The following TNKS variants were observed in gnomAD, a reference collection of about 807,000 sequenced individuals.
TNKS encodes the protein poly [ADP-ribose] polymerase tankyrase-1.
TNKS carries 72 observed loss-of-function variants against 135.8 expected under a neutral mutation model. The ratio of observed to expected loss-of-function variants is 0.53; its 90% CI spans 0.44 to 0.64. The LOEUF (loss-of-function observed/expected upper bound fraction) is 0.64, where lower values mean the gene tolerates loss of function less well. Among genes scored for constraint, TNKS ranks in the 30% least tolerant of loss-of-function variants. The pLI, the probability that TNKS is intolerant of heterozygous loss-of-function variation, is 0.00. For synonymous variants in TNKS, 849 were observed against 649.3 expected (o/e 1.31, Z -4.68); for missense variants, 1,769 against 1,674.0 (o/e 1.06, Z -0.99).
chr8:9,768,960 G>A (rs1215451075), intron 25 of TNKS, among the ~76,000 whole-genome samples: 2 of 152,092 alleles, frequency 1.3e-5, no homozygotes, highest in Non-Finnish European at 2.9e-5. Context: ...ATAACACAAA[G>A]CTTATACTCC....
chr8:9,741,604 C>T, intron 17 of TNKS: 1 of 398,910 alleles, frequency 2.5e-6, no homozygotes, highest in Non-Finnish European at 5.7e-6. Flanking sequence ...ATAGCTGTCA[C>T]AGAGGATAAA....
Position 9,735,381 on chromosome 8 carries a change from C to A in TNKS, c.2538C>A (p.Gly846=). The part of the protein sequence containing the change: ...RNSTPLHLAA[G]YNNLEVAEYL... ...TATTTTTTTTACTCTAAATAGCAGG[C>A]TATAATAACCTGGAAGTAGCTGAAT... is the stretch of plus-strand genomic sequence containing the variant. Residue 846 remains glycine, a synonymous_variant, in exon 17 of 27, where the codon GGC becomes GGA. Transcript: ENST00000310430. 1 of 1,612,786 alleles carries A rather than the reference C, an allele frequency of 6.2e-7. No homozygotes were observed. Among genetic ancestry groups the A allele is most frequent in the Non-Finnish European group, 8.5e-7 (1 of 1,178,986 alleles).
intron 21 of TNKS, 42 bp downstream of exon 21, chr8:9,761,678 G>C (rs757527076): frequency 6.3e-7 from 1 of 1,575,008 alleles, no homozygotes; most frequent in Non-Finnish European, 8.6e-7. Flanking sequence ...GAAATCAGTG[G>C]TACAAGGTAA....
At chr8:9,608,488 A>G (rs1799320120) in intron 2 of TNKS, among the ~76,000 whole-genome samples, 1 of 151,758 alleles carries the variant, frequency 6.6e-6, no homozygotes, top group Non-Finnish European at 1.5e-5. Flanking sequence ...AATTTCTTTC[A>G]GCACTGCTCT....
chr8:9,719,422 C>T (rs1804759513), intron 11 of TNKS, among the ~76,000 whole-genome samples: 1 of 152,172 alleles, frequency 6.6e-6, no homozygotes, highest in Admixed American at 6.5e-5. Flanking sequence ...GTGTAACATG[C>T]ACTCATATTC....
intron 21 of TNKS, 103 bp from the exon 22 acceptor site, chr8:9,763,044 C>T (rs1807231215): frequency 5.9e-6 from 3 of 507,740 alleles, no homozygotes; most frequent in Non-Finnish European, 9.5e-6. Flanking sequence ...TGTTCCAAAA[C>T]CTCAATTACT....
intron 17 of TNKS, among the ~76,000 whole-genome samples, chr8:9,742,689 C>A (rs1275158879): frequency 2.0e-5 from 3 of 149,110 alleles, no homozygotes; most frequent in African/African-American, 7.3e-5. Flanking sequence ...GAGACCCTAT[C>A]TCTATATAAT....
chr8:9,666,161 A>T (rs1055838536), intron 3 of TNKS, among the ~76,000 whole-genome samples: 36 of 152,306 alleles, frequency 2.4e-4, no homozygotes, highest in African/African-American at 8.2e-4. Flanking sequence ...TTAGATGTGC[A>T]CTGTCCAGCA....
chr8:9,719,916 C>G (rs940246249), intron 11 of TNKS, among the ~76,000 whole-genome samples: 3 of 152,064 alleles, frequency 2.0e-5, no homozygotes, highest in African/African-American at 7.2e-5. Context: ...GCTATATTAC[C>G]TAAATTAGAA....
chr8:9,621,614 G>C (rs934416372), intron 3 of TNKS, among the ~76,000 whole-genome samples: 1 of 151,956 alleles, frequency 6.6e-6, no homozygotes, highest in Non-Finnish European at 1.5e-5. Context: ...TTTGGCCATT[G>C]TTCTGTTAGT....
chr8:9,776,965 T>C lies in TNKS; in HGVS notation c.*229T>C, dbSNP rs79488099. The stretch of plus-strand genomic sequence containing the variant: ...TTTACAGGGGCGGCCTTTTAACATA[T>C]CTCAGGCTCATTTTCATTGCAATTA... On this transcript the variant is annotated 3_prime_UTR_variant, in exon 27 of 27. Transcript: ENST00000310430. 5,011 of 479,008 alleles carry C rather than the reference T, an allele frequency of 0.01. 69 individuals are homozygous for C. The highest frequency in any genetic ancestry group is 0.054 in the East Asian group (1,688 of 31,162). The allele number at this position is 479,008 out of a possible 1,614,324, so 29.7% of individuals were successfully genotyped here.
chr8:9,568,650 A>C (rs1407678854), intron 1 of TNKS, among the ~76,000 whole-genome samples: 1 of 152,226 alleles, frequency 6.6e-6, no homozygotes, highest in Non-Finnish European at 1.5e-5. Context: ...CTGGCTTAAA[A>C]AGAGATAGCT....
rs148176803 is a variant in TNKS at position 9,728,691 on chromosome 8, A to G, written c.2001+1971A>G. Among the ~76,000 whole-genome samples, 440 of 152,218 alleles carry G rather than the reference A, an allele frequency of 2.9e-3. 3 individuals are homozygous for G. Among genetic ancestry groups the G allele is most frequent in the African/African-American group, 9.8e-3 (409 of 41,536 alleles). On this transcript the variant is annotated intron_variant, in intron 13 of 26. Transcript: ENST00000310430. ...ATTTTTTATTTAATTTGATTTGTCAATTATGCTGTTTATATATTAATATAG... is the reference window on the plus strand; with the variant it reads ...ATTTTTTATTTAATTTGATTTGTCAGTTATGCTGTTTATATATTAATATAG...
chr8:9,580,135 A>T, intron 1 of TNKS, 24 bp from the exon 2 acceptor site: 1 of 1,596,776 alleles, frequency 6.3e-7, no homozygotes, highest in South Asian at 1.1e-5. Context: ...TATATATACA[A>T]GACATTTTTT....
In TNKS at chr8:9,721,914, G is replaced by A. The variant is rs376597108; in HGVS notation, c.1921+1369G>A. On this transcript the variant is annotated intron_variant, in intron 12 of 26. Coordinates refer to ENST00000310430, the MANE Select transcript of TNKS (RefSeq NM_003747.3). ...CTAAATGTTAAAAAATTAGCCGGGTGTGGTGGTGCGTGCCTGTAATTCCAG... is the reference window on the plus strand; with the variant it reads ...CTAAATGTTAAAAAATTAGCCGGGTATGGTGGTGCGTGCCTGTAATTCCAG... 7.9e-5 allele frequency among the ~76,000 whole-genome samples: 12 copies of A among 151,996 alleles called. 1 individual carries two copies. Among genetic ancestry groups the A allele is most frequent in the African/African-American group, 2.9e-4 (12 of 41,474 alleles).
At chr8:9,561,062 A>G (rs910649749) in intron 1 of TNKS, among the ~76,000 whole-genome samples, 4 of 152,328 alleles carry the variant, frequency 2.6e-5, no homozygotes, top group East Asian at 3.9e-4. Context: ...TACATAAATT[A>G]TAATACTGTA....
chr8:9,565,414 C>G (rs1797487244), intron 1 of TNKS, among the ~76,000 whole-genome samples: 1 of 152,002 alleles, frequency 6.6e-6, no homozygotes, highest in African/African-American at 2.4e-5. Flanking sequence ...ATTTTTTCTT[C>G]TTTGGTATAT....
chr8:9,686,352 C>T (rs1802996223), intron 5 of TNKS, among the ~76,000 whole-genome samples: 1 of 152,152 alleles, frequency 6.6e-6, no homozygotes. Context: ...GACAATTTAA[C>T]CCCATCTGAG....
chr8:9,691,756 T>A (rs566266284), intron 5 of TNKS, among the ~76,000 whole-genome samples: 29 of 152,336 alleles, frequency 1.9e-4, no homozygotes, highest in African/African-American at 6.0e-4. Flanking sequence ...CTGTTATTTT[T>A]AATAAAATAT....
Sources: gnomAD v4.1 joint callset for allele counts (sites outside exome capture counted in the v4.1 genomes callset) on GRCh38, gnomAD v4.1.1 for gene constraint, MANE v1.5 for transcripts, NCBI Gene and HGNC (gene_info 2026-07-23, HGNC 2026-07-21) for gene names.